CAPZA1: variants seen among roughly 807,000 people sequenced by gnomAD.
CAPZA1 encodes the protein capping actin protein of muscle Z-line subunit alpha 1, also known as F-actin-capping protein subunit alpha-1.
A neutral mutation model predicts 40.8 loss-of-function variants in CAPZA1; 10 were observed. That is an observed-to-expected ratio of 0.25 (90% CI 0.15 to 0.42). The LOEUF (loss-of-function observed/expected upper bound fraction) is 0.42, where lower values mean the gene tolerates loss of function less well. Among genes scored for constraint, CAPZA1 ranks in the 10% least tolerant of loss-of-function variants. CAPZA1 has a pLI of 1.00. For synonymous variants in CAPZA1, 98 were observed against 115.0 expected (o/e 0.85, Z 0.95); for missense variants, 277 against 353.8 (o/e 0.78, Z 1.74).
chr1:112,634,783 T>C (rs1670984808), intron 1 of CAPZA1: 1 of 152,184 alleles, frequency 6.6e-6, no homozygotes, highest in African/African-American at 2.4e-5. Flanking sequence ...CTGTAACAAC[T>C]CCCAACAATT....
At chr1:112,663,961 C>T (rs193023965) in intron 7 of CAPZA1, among the ~76,000 whole-genome samples, 38 of 152,164 alleles carry the variant, frequency 2.5e-4, no homozygotes, top group African/African-American at 7.2e-4. Context: ...TTGCCGGGCA[C>T]GGTGGCTCAC....
chr1:112,669,893 C>A, intron 9 of CAPZA1, 99 bp from the exon 10 acceptor site: 2 of 1,305,228 alleles, frequency 1.5e-6, no homozygotes, highest in African/African-American at 1.5e-5. Context: ...CTATCCTTCA[C>A]AGGGGACTCA....
chr1:112,664,733 G>A (rs762201468), intron 7 of CAPZA1, among the ~76,000 whole-genome samples: 6 of 152,150 alleles, frequency 3.9e-5, no homozygotes, highest in Non-Finnish European at 5.9e-5. Context: ...TCAGGAGTTC[G>A]AGACCAGCCT....
At chr1:112,649,620 A>G in intron 3 of CAPZA1, 151 bp downstream of exon 3, 1 of 653,088 alleles carries the variant, frequency 1.5e-6, no homozygotes, top group Non-Finnish European at 2.7e-6. Flanking sequence ...TAATTGGAGA[A>G]AACATGTTCC....
At position 112,641,852 on chromosome 1, in the gene CAPZA1, G is replaced by A. The variant is rs566732035; in HGVS notation, c.40-5358G>A. 1.1e-3 allele frequency among the ~76,000 whole-genome samples: 146 copies of A among 137,836 alleles called. 1 individual carries two copies. The highest frequency in any genetic ancestry group is 3.9e-3 in the African/African-American group (138 of 35,648). The allele number at this position is 137,836 out of a possible 152,430, so 90.4% of individuals were successfully genotyped here. ...TGCAGTGAGCTGAGATTGTGCTGCC[G>A]CACTCCAGCCTGGGTGACAGACTGA... On this transcript the variant is annotated intron_variant, in intron 1 of 9. Coordinates refer to ENST00000263168, the MANE Select transcript of CAPZA1 (RefSeq NM_006135.3).
At chr1:112,632,261 TCACGCCACTG>T (rs1670933438) in intron 1 of CAPZA1, among the ~76,000 whole-genome samples, 1 of 152,050 alleles carries the variant, frequency 6.6e-6, no homozygotes, top group African/African-American at 2.4e-5. Flanking sequence ...TGCGCCAACA[TCACGCCACTG>T]CACTCCATCC....
chr1:112,648,290 A>G (rs1671319187), intron 2 of CAPZA1, among the ~76,000 whole-genome samples: 1 of 150,566 alleles, frequency 6.6e-6, no homozygotes, highest in Non-Finnish European at 1.5e-5. Flanking sequence ...AGTCTTTTAC[A>G]TTGACTAAAT....
At chr1:112,634,046 A>G (rs1250549450) in intron 1 of CAPZA1, among the ~76,000 whole-genome samples, 2 of 152,072 alleles carry the variant, frequency 1.3e-5, no homozygotes, top group African/African-American at 2.4e-5. Flanking sequence ...GTCTCCTCTT[A>G]CTGTTAATTT....
chr1:112,641,647 C>T lies in CAPZA1; in HGVS notation c.40-5563C>T, dbSNP rs1257654702. 4.0e-5 allele frequency among the ~76,000 whole-genome samples: 6 copies of T among 151,758 alleles called. No individual in the cohort carries two copies. The South Asian group carries it at 1.0e-3, about 26-fold the overall frequency. On this transcript the variant is annotated intron_variant, in intron 1 of 9. Coordinates refer to ENST00000263168, the MANE Select transcript of CAPZA1 (RefSeq NM_006135.3). ...GCTCACACCTGTAGTCCCAGCACTT[C>T]GGGAGGTGAGGCGGGTGGATCATTT...
Position 112,649,431 on chromosome 1 carries a change from A to G in CAPZA1, c.117A>G (p.Leu39=), listed in dbSNP as rs371130747. 46 of 1,612,774 alleles carry G rather than the reference A, an allele frequency of 2.9e-5. No homozygotes were observed. Among genetic ancestry groups the G allele is most frequent in the South Asian group, 2.5e-4 (23 of 91,014 alleles). Reference sequence around the variant, plus strand: ...TTTCCTCCTCAGACGTTCGGCTACTACTTAATAATGACAATCTCCTCAGGG... The same window carrying G: ...TTTCCTCCTCAGACGTTCGGCTACTGCTTAATAATGACAATCTCCTCAGGG... ...FNEVFNDVRL[L]LNNDNLLREG... The change falls in exon 3 of 10, where the codon CTA becomes CTG. Residue 39 remains leucine (L), a synonymous_variant. Coordinates refer to ENST00000263168, the MANE Select transcript of CAPZA1 (RefSeq NM_006135.3).
At chr1:112,667,415 T>G (rs1257257919) in intron 8 of CAPZA1, among the ~76,000 whole-genome samples, 1 of 152,236 alleles carries the variant, frequency 6.6e-6, no homozygotes, top group Admixed American at 6.5e-5. Context: ...AATACCTTCA[T>G]TCAATAAATA....
chr1:112,645,181 A>G (rs1671256955), intron 1 of CAPZA1, among the ~76,000 whole-genome samples: 1 of 152,220 alleles, frequency 6.6e-6, no homozygotes, highest in Non-Finnish European at 1.5e-5. Flanking sequence ...CCCTGTAGTC[A>G]CTAGAGGCAA....
chr1:112,668,074 C>T (rs747709938), intron 8 of CAPZA1, among the ~76,000 whole-genome samples: 4 of 151,908 alleles, frequency 2.6e-5, no homozygotes, highest in Non-Finnish European at 4.4e-5. Flanking sequence ...AGCTTGAGCT[C>T]AGGAGTTCAA....
intron 1 of CAPZA1, among the ~76,000 whole-genome samples, chr1:112,623,758 C>T (rs554367342): frequency 6.6e-6 from 1 of 150,918 alleles, no homozygotes; most frequent in Non-Finnish European, 1.5e-5. Context: ...GAGGCCGAGG[C>T]GGGTGGATCA....
At chr1:112,664,762 T>A (rs1233907972) in intron 7 of CAPZA1, among the ~76,000 whole-genome samples, 1 of 152,032 alleles carries the variant, frequency 6.6e-6, no homozygotes, top group Non-Finnish European at 1.5e-5. Flanking sequence ...TGGTGAAACC[T>A]CGTCTCTACT....
At chr1:112,623,632 G>C (rs1670729069) in intron 1 of CAPZA1, among the ~76,000 whole-genome samples, 1 of 149,366 alleles carries the variant, frequency 6.7e-6, no homozygotes, top group Non-Finnish European at 1.5e-5. Flanking sequence ...GGTGACCCGA[G>C]ATCACGCCAT....
At chr1:112,659,317 A>C in intron 6 of CAPZA1, 1 of 557,976 alleles carries the variant, frequency 1.8e-6, no homozygotes, top group Non-Finnish European at 3.2e-6. Flanking sequence ...GTGATTAGTA[A>C]AGTGCCCTGT....
intron 5 of CAPZA1, among the ~76,000 whole-genome samples, chr1:112,657,855 G>T (rs1570722298): frequency 6.6e-6 from 1 of 152,300 alleles, no homozygotes; most frequent in East Asian, 1.9e-4. Flanking sequence ...GCCTCTCAAA[G>T]TGCTGGGGTT....
intron 1 of CAPZA1, among the ~76,000 whole-genome samples, chr1:112,645,307 A>G (rs1192924709): frequency 6.6e-6 from 1 of 152,214 alleles, no homozygotes; most frequent in Non-Finnish European, 1.5e-5. Flanking sequence ...TTTTTAGGAA[A>G]CAATCAGTAG....
Sources: gnomAD v4.1 joint callset for allele counts (sites outside exome capture counted in the v4.1 genomes callset) on GRCh38, gnomAD v4.1.1 for gene constraint, MANE v1.5 for transcripts, NCBI Gene and HGNC (gene_info 2026-07-23, HGNC 2026-07-21) for gene names.